PLCG2: variants seen among roughly 807,000 people sequenced by gnomAD.
PLCG2 encodes the protein phospholipase C gamma 2, also known as 1-phosphatidylinositol 4,5-bisphosphate phosphodiesterase gamma-2.
In PLCG2, 69 loss-of-function variants were observed where a neutral mutation model predicts 175.6. The ratio of observed to expected loss-of-function variants is 0.39; its 90% CI spans 0.32 to 0.48. The LOEUF is 0.48. Ranked by LOEUF, PLCG2 falls within the 20% of genes least tolerant of loss-of-function variation. The pLI, the probability that PLCG2 is intolerant of heterozygous loss-of-function variation, is 0.91. For missense variants in PLCG2, 1,798 were observed against 1,650.9 expected, an observed-to-expected ratio of 1.09 and a Z score of -1.54; for synonymous variants, 827 against 624.0, an observed-to-expected ratio of 1.33 and a Z score of -4.85.
At chr16:81,853,023 C>T (rs946570337) in intron 2 of PLCG2, among the ~76,000 whole-genome samples, 1 of 152,178 alleles carries the variant, frequency 6.6e-6, no homozygotes, top group African/African-American at 2.4e-5. Context: ...TGGAAGGTAC[C>T]AGGCCTTCTT....
At chr16:81,822,879 C>G (rs1236998939) in intron 2 of PLCG2, among the ~76,000 whole-genome samples, 1 of 151,952 alleles carries the variant, frequency 6.6e-6, no homozygotes, top group South Asian at 2.1e-4. Context: ...AGAGGCCACA[C>G]GGCCACGATT....
At chr16:81,906,383 T>C (rs1909372018) in intron 15 of PLCG2, 2 of 152,236 alleles carry the variant, frequency 1.3e-5, no homozygotes, top group African/African-American at 4.8e-5. Flanking sequence ...TGTCCGTTCT[T>C]ATATCCTAGA....
At chr16:81,807,880 C>T (rs576326739) in intron 2 of PLCG2, among the ~76,000 whole-genome samples, 3 of 152,162 alleles carry the variant, frequency 2.0e-5, no homozygotes, top group South Asian at 4.1e-4. Context: ...TTTCAACAGC[C>T]AGATCTCTCA....
At chr16:81,796,286 C>G (rs1911466229) in intron 2 of PLCG2, among the ~76,000 whole-genome samples, 1 of 152,258 alleles carries the variant, frequency 6.6e-6, no homozygotes, top group South Asian at 2.1e-4. Context: ...TTGGCTTTTT[C>G]TGTTGCTGCC....
intron 22 of PLCG2, among the ~76,000 whole-genome samples, chr16:81,926,643 A>C (rs534507430): frequency 5.3e-5 from 8 of 152,164 alleles, no homozygotes; most frequent in Non-Finnish European, 8.8e-5. Flanking sequence ...ACGTTTATGC[A>C]TTTTTCAGAT....
chr16:81,851,569 G>T (rs954527862), intron 2 of PLCG2, among the ~76,000 whole-genome samples: 1 of 152,158 alleles, frequency 6.6e-6, no homozygotes, highest in African/African-American at 2.4e-5. Context: ...CTGGAGTGCA[G>T]TGGCGTGGTC....
chr16:81,953,081 A>C (rs1462109300), intron 31 of PLCG2, among the ~76,000 whole-genome samples: 1 of 152,220 alleles, frequency 6.6e-6, no homozygotes, highest in African/African-American at 2.4e-5. Context: ...AATTATAAGA[A>C]GACACCAGAC....
intron 31 of PLCG2, among the ~76,000 whole-genome samples, chr16:81,953,791 G>C (rs1032999958): frequency 6.6e-6 from 1 of 152,062 alleles, no homozygotes; most frequent in African/African-American, 2.4e-5. Flanking sequence ...TATATATACA[G>C]TGTACCCAGG....
intron 30 of PLCG2, among the ~76,000 whole-genome samples, chr16:81,944,361 A>G (rs1236251805): frequency 6.6e-6 from 1 of 152,232 alleles, no homozygotes; most frequent in Non-Finnish European, 1.5e-5. Flanking sequence ...TTAATACAGT[A>G]TAACGATTAT....
chr16:81,893,851 T>G (rs1203019612), intron 12 of PLCG2, 57 bp downstream of exon 12: 1 of 1,070,742 alleles, frequency 9.3e-7, no homozygotes, highest in African/African-American at 1.6e-5. Context: ...GATAACCATG[T>G]GGTTGCTCCA....
chr16:81,748,403 T>TA (rs548067252), intron 1 of PLCG2, among the ~76,000 whole-genome samples: 3,503 of 139,298 alleles, frequency 0.025, 53 homozygotes, highest in African/African-American at 0.036. Context: ...CTTAAAAAAT[T>TA]AAAAAAAAAA....
chr16:81,910,797 T>A, intron 18 of PLCG2, 77 bp downstream of exon 18: 6 of 1,375,926 alleles, frequency 4.4e-6, no homozygotes, highest in Non-Finnish European at 5.1e-6. Flanking sequence ...GGCCTGGTGG[T>A]TCAGCCGGGC....
At chr16:81,900,900 A>T in intron 14 of PLCG2, 120 bp downstream of exon 14, 1 of 842,880 alleles carries the variant, frequency 1.2e-6, no homozygotes, top group Non-Finnish European at 1.8e-6. Context: ...CCCACTGCAC[A>T]GGCTCAAATC....
At position 81,931,662 on chromosome 16, in the gene PLCG2, C is replaced by G. The variant is rs201659233; in HGVS notation, c.2739+8C>G. 2 of 1,612,518 alleles carry G rather than the reference C, an allele frequency of 1.2e-6. No individual in the cohort carries two copies. Among genetic ancestry groups the G allele is most frequent in the South Asian group, 1.1e-5 (1 of 90,952 alleles). ...TGGAAGATTGACACCAAGGTAGGCA[C>G]CTGCTCACCCGGGTGCAGGTGGGCC... On this transcript the variant is annotated splice_region_variant and intron_variant, in intron 25 of 32. Coordinates refer to ENST00000564138, the MANE Select transcript of PLCG2 (RefSeq NM_002661.5).
At chr16:81,745,456 G>A (rs1243929882) in intron 1 of PLCG2, among the ~76,000 whole-genome samples, 2 of 152,082 alleles carry the variant, frequency 1.3e-5, no homozygotes, top group Admixed American at 1.3e-4. Flanking sequence ...ATAACTCAGG[G>A]TTGCATTCAA....
Position 81,895,823 on chromosome 16 carries a change from G to T in PLCG2, c.1089G>T (p.Gly363=). ...TCCCTGTAGTGGACTGCTGGGACGG[G>T]CCCGATGGGAAGCCGGTCATCTACC... ...CRCIELDCWD[G]PDGKPVIYHG... is the part of the protein sequence containing the mutation. The change falls in exon 13 of 33, where the codon GGG becomes GGT. Residue 363 remains glycine, a synonymous_variant. Transcript: ENST00000564138. 6.2e-7 allele frequency: 1 copy of T among 1,614,136 alleles called. No homozygotes were observed.
chr16:81,959,308 C>A lies in PLCG2; in HGVS notation c.*1310C>A, dbSNP rs761126898. On this transcript the variant is annotated 3_prime_UTR_variant, in exon 33 of 33. Transcript: ENST00000564138. Reference sequence around the variant, plus strand: ...GACCCTCCTCTTGTTACCCGAAATGCTGGGCTTAGTATGCATGTACTGCTG... The same window carrying A: ...GACCCTCCTCTTGTTACCCGAAATGATGGGCTTAGTATGCATGTACTGCTG... 4.5e-6 allele frequency: 1 copy of A among 222,868 alleles called. No individual in the cohort carries two copies. The highest frequency in any genetic ancestry group is 9.0e-6 in the Non-Finnish European group (1 of 111,500). The allele number at this position is 222,868 out of a possible 1,614,324, so 13.8% of individuals were successfully genotyped here.
chr16:81,766,711 C>G (rs904061238), intron 2 of PLCG2: 2 of 152,234 alleles, frequency 1.3e-5, no homozygotes. Flanking sequence ...CTTGTCCATT[C>G]TTATATCCTC....
At chr16:81,895,547 G>A (rs972616846) in intron 12 of PLCG2, 6 of 419,376 alleles carry the variant, frequency 1.4e-5, no homozygotes, top group African/African-American at 6.1e-5. Flanking sequence ...GCAACAGAGC[G>A]AGACTCTGTC....
Sources: allele counts gnomAD v4.1 joint callset (sites outside exome capture counted in the v4.1 genomes callset), GRCh38; gene constraint gnomAD v4.1.1; transcripts MANE v1.5; gene names NCBI Gene and HGNC (gene_info 2026-07-23, HGNC 2026-07-21).